Variants in SAE1 observed in about 807,000 individuals in gnomAD.
SAE1 encodes SUMO1 activating enzyme subunit 1.
Under a neutral mutation model 40.6 loss-of-function variants are expected in SAE1, and 11 were observed. The ratio of observed to expected loss-of-function variants is 0.27; its 90% CI spans 0.17 to 0.45. The LOEUF (loss-of-function observed/expected upper bound fraction) is 0.45, where lower values mean the gene tolerates loss of function less well. SAE1 is among the 20% of genes least tolerant of loss of function. SAE1 has a pLI of 1.00. For synonymous variants in SAE1, 155 were observed against 154.3 expected, an observed-to-expected ratio of 1.00 and a Z score of -0.03; for missense variants, 373 against 427.3, an observed-to-expected ratio of 0.87 and a Z score of 1.12.
intron 5 of SAE1, among the ~76,000 whole-genome samples, chr19:47,160,476 G>A (rs914731850): frequency 3.5e-5 from 5 of 144,422 alleles, no homozygotes; most frequent in Admixed American, 1.4e-4. Context: ...CTCACTGCAA[G>A]CTCCACCTCC....
chr19:47,191,265 T>A (rs2058576080), intron 6 of SAE1, among the ~76,000 whole-genome samples: 1 of 151,904 alleles, frequency 6.6e-6, no homozygotes, highest in African/African-American at 2.4e-5. Flanking sequence ...ACAAAAGTTA[T>A]TTGGGCGTGG....
At chr19:47,197,011 T>C (rs2123310954) in intron 6 of SAE1, among the ~76,000 whole-genome samples, 1 of 151,972 alleles carries the variant, frequency 6.6e-6, no homozygotes, top group South Asian at 2.1e-4. Context: ...TGAAAACCCG[T>C]CTCTACTAAA....
chr19:47,164,641 T>C (rs1195657402), intron 5 of SAE1, among the ~76,000 whole-genome samples: 1 of 84,054 alleles, frequency 1.2e-5, no homozygotes, highest in African/African-American at 4.9e-5. Flanking sequence ...GAATTCACCT[T>C]TTTTTTTTTT....
At chr19:47,142,273 A>G (rs1216054141) in intron 1 of SAE1, among the ~76,000 whole-genome samples, 1 of 151,028 alleles carries the variant, frequency 6.6e-6, no homozygotes, top group East Asian at 1.9e-4. Context: ...AATCCCAGCT[A>G]CTCGGGAGGC....
chr19:47,147,087 C>T (rs1164919732), intron 2 of SAE1, among the ~76,000 whole-genome samples: 1 of 151,188 alleles, frequency 6.6e-6, no homozygotes, highest in East Asian at 1.9e-4. Context: ...GGGACAGCCA[C>T]ACCTAAGAGG....
chr19:47,167,006 T>C (rs1600177134), intron 5 of SAE1, among the ~76,000 whole-genome samples: 2 of 152,110 alleles, frequency 1.3e-5, no homozygotes, highest in South Asian at 4.2e-4. Context: ...GGCTGGAGTG[T>C]AGTGGTGTGA....
intron 6 of SAE1, among the ~76,000 whole-genome samples, chr19:47,191,869 C>T (rs1416579959): frequency 6.6e-6 from 1 of 152,016 alleles, no homozygotes; most frequent in African/African-American, 2.4e-5. Context: ...TCCTGGCTAA[C>T]ACGGTGAAAC....
chr19:47,165,250 C>A (rs557311020), intron 5 of SAE1, among the ~76,000 whole-genome samples: 1 of 150,854 alleles, frequency 6.6e-6, no homozygotes, highest in Non-Finnish European at 1.5e-5. Context: ...CCACCATGTC[C>A]GGCTAATTTT....
In SAE1 at chr19:47,160,388, A is replaced by ATT. The variant is rs34266912; in HGVS notation, c.627+5198_627+5199dup. 7.2e-3 allele frequency among the ~76,000 whole-genome samples: 537 copies of ATT among 75,070 alleles called. 9 individuals carry two copies. The highest frequency in any genetic ancestry group is 0.02 in the African/African-American group (417 of 20,360). 49.2% of individuals were successfully genotyped at this position (75,070 alleles called of 152,430 possible). A position where few individuals can be genotyped will look rare whatever the true frequency, so the allele number is the denominator to read the frequency against. On this transcript the variant is annotated intron_variant, in intron 5 of 8. Transcript: ENST00000270225. ...AGGTGCGCGCCACCACGCCCAGCTA[A>ATT]TTTTTTTTTTTTTTTTTTTTTTTTG... is the stretch of plus-strand genomic sequence containing the variant.
At chr19:47,207,878 C>A (rs1315745946) in intron 8 of SAE1, among the ~76,000 whole-genome samples, 10 of 152,104 alleles carry the variant, frequency 6.6e-5, no homozygotes, top group Non-Finnish European at 1.5e-5. Context: ...TCAAGTGATT[C>A]TCCCGCCTCG....
chr19:47,149,789 A>G (rs927827642), intron 2 of SAE1, among the ~76,000 whole-genome samples: 1 of 152,150 alleles, frequency 6.6e-6, no homozygotes, highest in African/African-American at 2.4e-5. Flanking sequence ...ACAGTAATAC[A>G]TTTTAGGGCT....
At chr19:47,139,936 CTTTTTTTTTTTTTT>C (rs34575308) in intron 1 of SAE1, among the ~76,000 whole-genome samples, 1 of 111,576 alleles carries the variant, frequency 9.0e-6, no homozygotes, top group Non-Finnish European at 1.8e-5. Flanking sequence ...TTGGGTATTT[CTTTTTTTTTTTTTT>C]TTTTTGAGAC....
chr19:47,150,374 C>G lies in SAE1; in HGVS notation c.383C>G (p.Ala128Gly), dbSNP rs773468213. 23 of 1,595,120 alleles carry G rather than the reference C, an allele frequency of 1.4e-5. No homozygotes were observed. Among genetic ancestry groups the G allele is most frequent in the Non-Finnish European group, 1.7e-5 (20 of 1,171,104 alleles). The change falls in exon 3 of 9, where the codon GCT (alanine) becomes GGT (glycine). Residue 128 changes from alanine to glycine, a missense_variant and splice_region_variant. Transcript: ENST00000270225. Reference sequence around the variant, plus strand: ...GAGTCATTTTTCACTCAATTCGATGCTGTAAGTTTCTTATTATAAAATCTG... The same window carrying G: ...GAGTCATTTTTCACTCAATTCGATGGTGTAAGTTTCTTATTATAAAATCTG... ...KPESFFTQFD[A>G]VCLTCCSRDV...
chr19:47,147,821 C>A (rs879881297), intron 2 of SAE1, among the ~76,000 whole-genome samples: 19 of 147,754 alleles, frequency 1.3e-4, no homozygotes, highest in Non-Finnish European at 2.4e-4. Flanking sequence ...TGCAGTGGCG[C>A]GATCTTGGCT....
At chr19:47,197,599 G>A (rs2058624324) in intron 7 of SAE1, among the ~76,000 whole-genome samples, 1 of 152,144 alleles carries the variant, frequency 6.6e-6, no homozygotes, top group African/African-American at 2.4e-5. Context: ...TATTCACGTG[G>A]TTCAAAATTC....
At chr19:47,136,003 C>T (rs2058177230) in intron 1 of SAE1, among the ~76,000 whole-genome samples, 1 of 150,252 alleles carries the variant, frequency 6.7e-6, no homozygotes, top group African/African-American at 2.4e-5. Context: ...GGGGTTTCAC[C>T]TTGTTGGCCA....
intron 7 of SAE1, among the ~76,000 whole-genome samples, chr19:47,202,911 A>T (rs1365711273): frequency 6.6e-6 from 1 of 152,160 alleles, no homozygotes; most frequent in African/African-American, 2.4e-5. Flanking sequence ...CTCCGTCTCA[A>T]AAAAAGTCTA....
At chr19:47,139,993 A>C (rs1307999516) in intron 1 of SAE1, among the ~76,000 whole-genome samples, 3 of 144,132 alleles carry the variant, frequency 2.1e-5, no homozygotes, top group African/African-American at 7.8e-5. Context: ...GCTGAAGTGC[A>C]ATGGTGCGGT....
intron 2 of SAE1, among the ~76,000 whole-genome samples, chr19:47,148,724 C>T (rs1376469147): frequency 1.3e-5 from 2 of 151,532 alleles, no homozygotes; most frequent in African/African-American, 4.8e-5. Flanking sequence ...AAGCGATTCT[C>T]CTGCCTCAGC....
Sources: gnomAD v4.1 joint callset for allele counts (sites outside exome capture counted in the v4.1 genomes callset) on GRCh38, gnomAD v4.1.1 for gene constraint, MANE v1.5 for transcripts, NCBI Gene and HGNC (gene_info 2026-07-23, HGNC 2026-07-21) for gene names.